RAB38: variants seen among roughly 807,000 people sequenced by gnomAD.
RAB38 encodes RAB38, member RAS oncogene family.
In RAB38, 15 loss-of-function variants were observed where a neutral mutation model predicts 18.4. The ratio of observed to expected loss-of-function variants is 0.82; its 90% CI spans 0.55 to 1.26. The LOEUF is 1.26. RAB38 is among the 50% of genes most tolerant of loss of function. The probability of loss-of-function intolerance (pLI) is 0.00; values close to 1 mark genes in which losing one functional copy is unlikely to be tolerated. For missense variants in RAB38, 294 were observed against 267.4 expected, an observed-to-expected ratio of 1.10 and a Z score of -0.69; for synonymous variants, 101 against 104.4, an observed-to-expected ratio of 0.97 and a Z score of 0.20.
chr11:88,137,029 T>C (rs1180950349), intron 2 of RAB38, among the ~76,000 whole-genome samples: 1 of 152,260 alleles, frequency 6.6e-6, no homozygotes, highest in East Asian at 1.9e-4. Context: ...TCTGCAAATA[T>C]GGCAGCTGGG....
intron 1 of RAB38, among the ~76,000 whole-genome samples, chr11:88,172,958 G>GT (rs1299539384): frequency 6.6e-6 from 1 of 152,176 alleles, no homozygotes; most frequent in African/African-American, 2.4e-5. Context: ...GATGTTGAAT[G>GT]TAACACCACC....
chr11:87,922,513 T>C, the RAB38 span, among the ~76,000 whole-genome samples: 1 of 151,984 alleles, frequency 6.6e-6, no homozygotes, highest in Non-Finnish European at 1.5e-5. Context: ...TTACCTGTCA[T>C]ATTCATATTT....
At chr11:88,005,272 T>C in the RAB38 span, among the ~76,000 whole-genome samples, 4 of 151,428 alleles carry the variant, frequency 2.6e-5, no homozygotes, top group African/African-American at 9.7e-5. Flanking sequence ...GGGAATTTGG[T>C]ACAAGGTAGA....
At chr11:87,864,825 TAG>T in the RAB38 span, among the ~76,000 whole-genome samples, 1 of 151,668 alleles carries the variant, frequency 6.6e-6, no homozygotes, top group Non-Finnish European at 1.5e-5. Context: ...AAGAGAAAAA[TAG>T]AGTTTAACTT....
At chr11:88,054,166 T>C in the RAB38 span, among the ~76,000 whole-genome samples, 3,137 of 152,234 alleles carry the variant, frequency 0.021, 106 homozygotes, top group African/African-American at 0.07. Context: ...GAATAAGAGA[T>C]AGAAACTCAA....
the RAB38 span, among the ~76,000 whole-genome samples, chr11:87,905,196 TC>T: frequency 6.6e-6 from 1 of 151,770 alleles, no homozygotes; most frequent in Non-Finnish European, 1.5e-5. Flanking sequence ...TATTATATTT[TC>T]AATATAAAAA....
chr11:87,952,146 A>T, the RAB38 span, among the ~76,000 whole-genome samples: 1 of 152,090 alleles, frequency 6.6e-6, no homozygotes, highest in Non-Finnish European at 1.5e-5. Context: ...CACCACAGGG[A>T]TCCATCGGGA....
chr11:87,885,653 T>A, the RAB38 span, among the ~76,000 whole-genome samples: 2 of 152,010 alleles, frequency 1.3e-5, no homozygotes, highest in Admixed American at 1.3e-4. Context: ...TTGGCTGATG[T>A]GAGCAGATGT....
At chr11:87,882,475 C>T in the RAB38 span, among the ~76,000 whole-genome samples, 2 of 151,854 alleles carry the variant, frequency 1.3e-5, no homozygotes, top group Non-Finnish European at 2.9e-5. Context: ...GACTATCAAT[C>T]TGCAGATTGT....
intron 1 of RAB38, among the ~76,000 whole-genome samples, chr11:88,164,599 A>C (rs1329764868): frequency 2.0e-5 from 3 of 146,420 alleles, no homozygotes; most frequent in Non-Finnish European, 4.6e-5. Context: ...ATTAACAATG[A>C]AACAAAAATA....
chr11:87,873,667 G>A, the RAB38 span, among the ~76,000 whole-genome samples: 4 of 151,190 alleles, frequency 2.6e-5, no homozygotes, highest in African/African-American at 9.7e-5. Flanking sequence ...ATTTTGTTTT[G>A]CATGTGGACA....
the RAB38 span, among the ~76,000 whole-genome samples, chr11:87,860,381 A>G: frequency 6.6e-6 from 1 of 152,014 alleles, no homozygotes; most frequent in East Asian, 1.9e-4. Context: ...TGTAAAAATT[A>G]AATTATAACT....
chr11:87,829,263 G>A, the RAB38 span, among the ~76,000 whole-genome samples: 622 of 152,226 alleles, frequency 4.1e-3, 1 homozygote, highest in African/African-American at 0.014. Flanking sequence ...GGGATTAATC[G>A]TACTCCAAAC....
intron 1 of RAB38, chr11:88,165,465 A>T (rs1257746820): frequency 6.6e-6 from 1 of 152,290 alleles, no homozygotes; most frequent in Middle Eastern, 3.4e-3. Context: ...CCTGACACTT[A>T]ATAATTGGTG....
At chr11:88,088,667 G>GC in the RAB38 span, among the ~76,000 whole-genome samples, 1 of 148,488 alleles carries the variant, frequency 6.7e-6, no homozygotes, top group African/African-American at 2.5e-5. Flanking sequence ...ACCAGAGTTA[G>GC]TTTTTTTTTT....
At chr11:87,950,528 C>A in the RAB38 span, among the ~76,000 whole-genome samples, 1 of 151,970 alleles carries the variant, frequency 6.6e-6, no homozygotes, top group Non-Finnish European at 1.5e-5. Context: ...TGGTACCAGT[C>A]GTTCCTTTCC....
the RAB38 span, among the ~76,000 whole-genome samples, chr11:88,048,115 C>T: frequency 5.9e-5 from 9 of 152,150 alleles, no homozygotes; most frequent in Non-Finnish European, 1.2e-4. Flanking sequence ...CTTCCCTACA[C>T]ATCAAGCTCT....
At chr11:88,086,111 A>G in the RAB38 span, among the ~76,000 whole-genome samples, 669 of 152,036 alleles carry the variant, frequency 4.4e-3, 3 homozygotes, top group Non-Finnish European at 6.0e-3. Flanking sequence ...TTGTAAGGCT[A>G]TTGTGAAGAT....
chr11:87,928,227 C>T, the RAB38 span, among the ~76,000 whole-genome samples: 1 of 151,998 alleles, frequency 6.6e-6, no homozygotes, highest in Non-Finnish European at 1.5e-5. Flanking sequence ...GTAGTATTTT[C>T]CCTCTTTCAT....
Sources: gnomAD v4.1 joint callset for allele counts (sites outside exome capture counted in the v4.1 genomes callset) on GRCh38, gnomAD v4.1.1 for gene constraint, MANE v1.5 for transcripts, NCBI Gene and HGNC (gene_info 2026-07-23, HGNC 2026-07-21) for gene names.